Variants in EPC1 observed in about 807,000 individuals in gnomAD.
The protein encoded by EPC1 is enhancer of polycomb homolog 1.
Under a neutral mutation model 98.4 loss-of-function variants are expected in EPC1, and 12 were observed. The observed-to-expected ratio is 0.12, with a 90% CI of 0.08 to 0.20. The LOEUF (loss-of-function observed/expected upper bound fraction) is 0.20, where lower values mean the gene tolerates loss of function less well. Ranked by LOEUF, EPC1 falls within the 10% of genes least tolerant of loss-of-function variation. The pLI is 1.00. For missense variants in EPC1, 729 were observed against 990.5 expected (o/e 0.74, Z 3.54); for synonymous variants, 357 against 363.9 (o/e 0.98, Z 0.21).
rs1031880268 is a variant in EPC1, at chr10:32,303,336, T to C, written c.313+2436A>G. Among the ~76,000 whole-genome samples, 48 of 152,084 alleles carry C rather than the reference T, an allele frequency of 3.2e-4. 1 individual carries two copies. The highest frequency in any genetic ancestry group is 7.4e-5 in the Non-Finnish European group (5 of 68,000). On this transcript the variant is annotated intron_variant, in intron 2 of 13. Coordinates refer to ENST00000319778, the MANE Select transcript of EPC1 (RefSeq NM_001272004.3). ...ACAAACAACAACAAACAACTCATGT[T>C]CTCAAAAAAACTTATACATGAATAT... is the stretch of plus-strand genomic sequence containing the variant.
At chr10:32,368,538 T>C (rs1440805519) in intron 1 of EPC1, among the ~76,000 whole-genome samples, 1 of 152,218 alleles carries the variant, frequency 6.6e-6, no homozygotes, top group South Asian at 2.1e-4. Flanking sequence ...GGAAGTGTTT[T>C]TTTTGTTTGT....
At chr10:32,315,073 T>C (rs1836475289) in intron 1 of EPC1, among the ~76,000 whole-genome samples, 1 of 152,238 alleles carries the variant, frequency 6.6e-6, no homozygotes, top group African/African-American at 2.4e-5. Context: ...GTAGAGACGA[T>C]GTCTAATTTG....
upstream of EPC1, among the ~76,000 whole-genome samples, chr10:32,348,607 A>G (rs1373016376): frequency 6.6e-6 from 1 of 152,214 alleles, no homozygotes; most frequent in African/African-American, 2.4e-5. Flanking sequence ...CGATATTGGC[A>G]GCTCACTTAA....
chr10:32,286,991 C>T lies in EPC1; in HGVS notation c.1177G>A (p.Glu393Lys). 1 of 1,614,118 alleles carries T rather than the reference C, an allele frequency of 6.2e-7. No individual in the cohort carries two copies. The highest frequency in any genetic ancestry group is 8.5e-7 in the Non-Finnish European group (1 of 1,180,024). The change falls in exon 8 of 14, where the codon GAG becomes AAG. Residue 393 changes from glutamate (E) to lysine (K), a missense_variant. Glu to Lys is a moderately conservative substitution (Grantham distance 56). Around this residue, in one of 6 missense-constraint regions of EPC1, gnomAD observed 390 missense variants for 438.6 expected, o/e 0.89. Transcript: ENST00000319778. The part of the protein sequence containing the change: ...SQVLSGSSEA[E>K]EDNDPDGPFA... ...GGACCATCAGGATCATTGTCTTCCT[C>T]AGCTTCCGAAGAGCCAGACAAAACC...
chr10:32,375,301 T>C (rs1564571398), intron 1 of EPC1, among the ~76,000 whole-genome samples: 1 of 152,106 alleles, frequency 6.6e-6, no homozygotes, highest in Non-Finnish European at 1.5e-5. Flanking sequence ...CCCTGGCTAA[T>C]ATTTTTAGCA....
At chr10:32,371,485 A>G (rs1387235700) in intron 1 of EPC1, among the ~76,000 whole-genome samples, 1 of 152,150 alleles carries the variant, frequency 6.6e-6, no homozygotes, top group East Asian at 1.9e-4. Flanking sequence ...CTCTACTTTT[A>G]CCTACTTTAA....
chr10:32,321,048 A>G (rs1382999779), intron 1 of EPC1, among the ~76,000 whole-genome samples: 1 of 151,870 alleles, frequency 6.6e-6, no homozygotes, highest in Non-Finnish European at 1.5e-5. Context: ...CAGTTAGTTT[A>G]TTTTTTTTAA....
intron 1 of EPC1, among the ~76,000 whole-genome samples, chr10:32,314,042 T>C (rs900845740): frequency 1.3e-5 from 2 of 152,194 alleles, no homozygotes; most frequent in African/African-American, 2.4e-5. Context: ...ATTTCACAAT[T>C]AATTGCTGTA....
At chr10:32,293,882 T>A in intron 2 of EPC1, 145 bp from the exon 3 acceptor site, 1 of 725,822 alleles carries the variant, frequency 1.4e-6, no homozygotes, top group Non-Finnish European at 2.2e-6. Context: ...GCAAACAATC[T>A]AAGCTTAGAT....
chr10:32,272,989 C>G, intron 11 of EPC1, 174 bp downstream of exon 11: 1 of 1,595,478 alleles, frequency 6.3e-7, no homozygotes, highest in Non-Finnish European at 8.6e-7. Flanking sequence ...AAATAGGGAG[C>G]AGAGGCAACA....
At chr10:32,283,199 A>G (rs1836498427) in intron 10 of EPC1, 1 of 152,178 alleles carries the variant, frequency 6.6e-6, no homozygotes, top group Admixed American at 6.5e-5. Context: ...TGCCTCTGTC[A>G]CCTCTCAGAT....
In EPC1 at chr10:32,284,819, A is replaced by ATTG. The variant is rs779722569; in HGVS notation, c.1620_1622dup (p.Asn541dup). On this transcript the variant is annotated inframe_insertion, in exon 10 of 14. Transcript: ENST00000319778. ...ATAATTTTCTACAGGAGAGTTCATCATTGTCACTGTCATGTAGGGATGGTG... is the reference window on the plus strand; with the variant it reads ...ATAATTTTCTACAGGAGAGTTCATCATTGTTGTCACTGTCATGTAGGGATGGTG... The ATTG allele has an allele frequency of 6.8e-6, 11 of 1,614,162 alleles. 1 individual carries two copies. In the South Asian group the frequency reaches 1.2e-4, roughly 18 times the overall value.
At chr10:32,291,597 A>G (rs979204254) in intron 5 of EPC1, 1 of 201,164 alleles carries the variant, frequency 5.0e-6, no homozygotes, top group East Asian at 1.1e-4. Context: ...CCCTTTGACC[A>G]ACATATAAAA....
chr10:32,370,754 C>T (rs12261401), intron 1 of EPC1, among the ~76,000 whole-genome samples: 1 of 152,104 alleles, frequency 6.6e-6, no homozygotes, highest in Non-Finnish European at 1.5e-5. Context: ...GATAGTGTGA[C>T]TGGGAAAATG....
rs915428317 is a variant in EPC1, at chr10:32,301,163, T to C, written c.313+4609A>G. Among the ~76,000 whole-genome samples the C allele has an allele frequency of 4.6e-5, 7 of 152,068 alleles. No homozygotes were observed. The East Asian group carries it at 7.7e-4, about 17-fold the overall frequency. ...GCAAATGCATATAAAAATATACACA[T>C]TGACTACCCTTTTAAAAAAGGCTTC... On this transcript the variant is annotated intron_variant, in intron 2 of 13. Coordinates refer to ENST00000319778, the MANE Select transcript of EPC1 (RefSeq NM_001272004.3).
chr10:32,314,824 T>C (rs1836458989), intron 1 of EPC1, among the ~76,000 whole-genome samples: 1 of 152,246 alleles, frequency 6.6e-6, no homozygotes. Context: ...TCTGCTCTGA[T>C]CCTCTGTTCA....
intron 6 of EPC1, among the ~76,000 whole-genome samples, chr10:32,290,219 C>T (rs963529476): frequency 2.0e-5 from 3 of 152,068 alleles, no homozygotes; most frequent in East Asian, 1.9e-4. Context: ...CAGTGGCTCA[C>T]GCCTATAATC....
chr10:32,304,382 G>T (rs1835750749), intron 2 of EPC1, among the ~76,000 whole-genome samples: 1 of 152,092 alleles, frequency 6.6e-6, no homozygotes, highest in South Asian at 2.1e-4. Context: ...AACATACATG[G>T]GGAAGATCAG....
intron 10 of EPC1, among the ~76,000 whole-genome samples, chr10:32,277,105 G>A (rs1836144787): frequency 1.3e-5 from 2 of 152,276 alleles, no homozygotes; most frequent in South Asian, 4.2e-4. Context: ...TTGAAAAATA[G>A]ACAAAAATTC....
Sources: allele counts gnomAD v4.1 joint callset (sites outside exome capture counted in the v4.1 genomes callset), GRCh38; gene constraint gnomAD v4.1.1; regional missense constraint gnomAD v4.1.1; transcripts MANE v1.5; gene names NCBI Gene and HGNC (gene_info 2026-07-23, HGNC 2026-07-21).